SEMA6D: variants seen among roughly 807,000 people sequenced by gnomAD.
SEMA6D encodes the protein semaphorin-6D.
SEMA6D carries 35 observed loss-of-function variants against 106.6 expected under a neutral mutation model. The observed-to-expected ratio is 0.33, with a 90% CI of 0.25 to 0.44. SEMA6D has a LOEUF of 0.44. Ranked by LOEUF, SEMA6D falls within the 20% of genes least tolerant of loss-of-function variation. The pLI is 1.00. For missense variants in SEMA6D, 1,185 were observed against 1,345.9 expected, an observed-to-expected ratio of 0.88 and a Z score of 1.87; for synonymous variants, 499 against 487.7, an observed-to-expected ratio of 1.02 and a Z score of -0.31.
In SEMA6D at chr15:47,761,239, T is replaced by C; in HGVS notation, c.345+19T>C. 1.2e-6 allele frequency: 2 copies of C among 1,613,290 alleles called. No individual in the cohort carries two copies. Among genetic ancestry groups the C allele is most frequent in the Non-Finnish European group, 1.7e-6 (2 of 1,179,572 alleles). ...GCATAAAGTGAGTGAAACAGAAAAA[T>C]GTCTGCTAGATTTAGTCTTTCTGTG... On this transcript the variant is annotated intron_variant, in intron 5 of 18. Transcript: ENST00000536845.
Position 47,759,822 on chromosome 15 carries a change from C to T in SEMA6D, c.24C>T (p.Ala8=). The T allele has an allele frequency of 1.2e-6, 2 of 1,613,780 alleles. No homozygotes were observed. Among genetic ancestry groups the T allele is most frequent in the South Asian group, 2.2e-5 (2 of 91,078 alleles). ...CCATGAGGGTCTTCCTGCTTTGTGC[C>T]TACATACTGCTGCTGATGGTTTCCC... The part of the protein sequence containing the change: MRVFLLC[A]YILLLMVSQL... The change falls in exon 2 of 19, where the codon GCC becomes GCT. Residue 8 remains alanine, a synonymous_variant. Transcript: ENST00000536845.
intron 1 of SEMA6D, among the ~76,000 whole-genome samples, chr15:47,217,717 T>G (rs2030774996): frequency 2.6e-5 from 4 of 151,996 alleles, no homozygotes; most frequent in Admixed American, 2.6e-4. Context: ...TGAAAAATGT[T>G]ATGCCATTTT....
intron 3 of SEMA6D, among the ~76,000 whole-genome samples, chr15:47,599,393 G>T (rs2076599252): frequency 6.6e-6 from 1 of 151,434 alleles, no homozygotes; most frequent in Admixed American, 6.6e-5. Context: ...TTACCAACAA[G>T]TGAGGGAAGG....
intron 1 of SEMA6D, among the ~76,000 whole-genome samples, chr15:47,756,831 A>G (rs1391699506): frequency 1.3e-5 from 2 of 151,186 alleles, no homozygotes; most frequent in Non-Finnish European, 2.9e-5. Context: ...TCCCCCACCC[A>G]GCTTTTGCAA....
At position 47,285,681 on chromosome 15, in the gene SEMA6D, C is replaced by T. The variant is rs149539888; in HGVS notation, c.-239+101263C>T. Among the ~76,000 whole-genome samples the T allele has an allele frequency of 1.8e-4, 27 of 152,248 alleles. No homozygotes were observed. In the East Asian group the frequency reaches 4.1e-3, roughly 23 times the overall value. Reference sequence around the variant, plus strand: ...AGACAACGAGAAGAACTGCAAAAAACGTCACTTACTGTGAGGAATGAAATT... The same window carrying T: ...AGACAACGAGAAGAACTGCAAAAAATGTCACTTACTGTGAGGAATGAAATT... On this transcript the variant is annotated intron_variant, in intron 1 of 19. Coordinates refer to the SEMA6D transcript ENST00000558014.
chr15:47,511,033 C>T (rs1202221858), intron 3 of SEMA6D, among the ~76,000 whole-genome samples: 1 of 152,118 alleles, frequency 6.6e-6, no homozygotes, highest in Non-Finnish European at 1.5e-5. Context: ...TCACAAGTGC[C>T]ACCTTCTGAA....
intron 2 of SEMA6D, among the ~76,000 whole-genome samples, chr15:47,429,753 A>AAT (rs35209271): frequency 0.2 from 30,554 of 151,920 alleles, 3,354 homozygotes; most frequent in South Asian, 0.37. Context: ...ATTTAAAGAT[A>AAT]ATATATATAT....
At chr15:47,479,367 T>G (rs1488887809) in intron 3 of SEMA6D, among the ~76,000 whole-genome samples, 1 of 152,136 alleles carries the variant, frequency 6.6e-6, no homozygotes, top group African/African-American at 2.4e-5. Context: ...CTAAGTTCAG[T>G]AAGAGGCAGG....
At chr15:47,222,455 C>G (rs75904697) in intron 1 of SEMA6D, among the ~76,000 whole-genome samples, 4,124 of 152,204 alleles carry the variant, frequency 0.027, 191 homozygotes, top group African/African-American at 0.095. Context: ...CTTCATAGCC[C>G]CTGGATAAAA....
rs148750987 is a variant in SEMA6D, at chr15:47,472,749, G to C, written c.-87+2204G>C. On this transcript the variant is annotated intron_variant, in intron 3 of 19. Transcript: ENST00000558014. Reference sequence around the variant, plus strand: ...ATGAGATACACATATATAAAGGAGAGATAGGTGAAGACTGAATCCTGAAAT... The same window carrying C: ...ATGAGATACACATATATAAAGGAGACATAGGTGAAGACTGAATCCTGAAAT... 3.1e-3 allele frequency among the ~76,000 whole-genome samples: 465 copies of C among 152,290 alleles called. 1 individual carries two copies. Among genetic ancestry groups the C allele is most frequent in the Non-Finnish European group, 5.1e-3 (349 of 68,018 alleles).
At chr15:47,318,883 A>G (rs1286925643) in intron 1 of SEMA6D, among the ~76,000 whole-genome samples, 1 of 151,342 alleles carries the variant, frequency 6.6e-6, no homozygotes, top group Non-Finnish European at 1.5e-5. Context: ...CAGTCCCACC[A>G]ACAGTGTAAA....
intron 1 of SEMA6D, among the ~76,000 whole-genome samples, chr15:47,758,458 T>C (rs1404895633): frequency 1.3e-5 from 2 of 152,124 alleles, no homozygotes; most frequent in African/African-American, 4.8e-5. Context: ...GGGGGTGTTA[T>C]TGTTGCAAAG....
At chr15:47,682,133 G>A (rs1004793595) in intron 4 of SEMA6D, among the ~76,000 whole-genome samples, 2 of 151,980 alleles carry the variant, frequency 1.3e-5, no homozygotes, top group African/African-American at 4.8e-5. Flanking sequence ...TACTATGTGA[G>A]GAGACAATGG....
chr15:47,241,644 G>T (rs184646012), intron 1 of SEMA6D, among the ~76,000 whole-genome samples: 6 of 151,894 alleles, frequency 4.0e-5, no homozygotes, highest in Non-Finnish European at 8.8e-5. Flanking sequence ...AAACCAACAG[G>T]GAGAGGAGAA....
At chr15:47,337,772 A>C (rs932112880) in intron 1 of SEMA6D, among the ~76,000 whole-genome samples, 2 of 152,152 alleles carry the variant, frequency 1.3e-5, no homozygotes, top group Non-Finnish European at 2.9e-5. Flanking sequence ...GGAGTGTCCC[A>C]CTAGATTTTT....
intron 3 of SEMA6D, among the ~76,000 whole-genome samples, chr15:47,577,213 T>C (rs935850658): frequency 6.6e-6 from 1 of 152,212 alleles, no homozygotes; most frequent in Non-Finnish European, 1.5e-5. Flanking sequence ...TTTCTCTCCT[T>C]TTCCCCTGAT....
intron 3 of SEMA6D, among the ~76,000 whole-genome samples, chr15:47,593,221 G>A (rs528677168): frequency 3.9e-5 from 6 of 151,962 alleles, no homozygotes; most frequent in East Asian, 1.9e-4. Flanking sequence ...TGGCTAACAC[G>A]GTAAAACCCT....
intron 4 of SEMA6D, among the ~76,000 whole-genome samples, chr15:47,691,067 G>A (rs2145759825): frequency 6.6e-6 from 1 of 152,174 alleles, no homozygotes; most frequent in Non-Finnish European, 1.5e-5. Context: ...TTTTTGCAAA[G>A]GATACCAAAG....
intron 4 of SEMA6D, among the ~76,000 whole-genome samples, chr15:47,661,920 C>T (rs1159301713): frequency 6.6e-6 from 1 of 152,204 alleles, no homozygotes; most frequent in Non-Finnish European, 1.5e-5. Context: ...ACTGTTGAAA[C>T]TGCTCAGTTG....
Sources: allele counts gnomAD v4.1 joint callset (sites outside exome capture counted in the v4.1 genomes callset), GRCh38; gene constraint gnomAD v4.1.1; transcripts MANE v1.5; gene names NCBI Gene and HGNC (gene_info 2026-07-23, HGNC 2026-07-21).